RAB34: variants seen among roughly 807,000 people sequenced by gnomAD.
RAB34 encodes ras-related protein Rab-34.
Under a neutral mutation model 39.0 loss-of-function variants are expected in RAB34, and 33 were observed. The ratio of observed to expected loss-of-function variants is 0.85; its 90% CI spans 0.64 to 1.13. The LOEUF (loss-of-function observed/expected upper bound fraction) is 1.13, where lower values mean the gene tolerates loss of function less well. Among genes scored for constraint, RAB34 ranks in the 50% most tolerant of loss-of-function variants. RAB34 has a pLI of 0.00. For synonymous variants in RAB34, 135 were observed against 125.1 expected, an observed-to-expected ratio of 1.08 and a Z score of -0.53; for missense variants, 289 against 326.1, an observed-to-expected ratio of 0.89 and a Z score of 0.88.
intron 2 of RAB34, 54 bp from the exon 3 acceptor site, chr17:28,716,112 G>A (rs964474729): frequency 9.9e-6 from 16 of 1,611,378 alleles, no homozygotes; most frequent in Admixed American, 1.7e-5. Context: ...TTCACCCTAG[G>A]GAGTTCCAAT....
chr17:28,715,249 C>T lies in RAB34; in HGVS notation c.459G>A (p.Glu153=), dbSNP rs778860083. The part of the protein sequence containing the change: ...TKQWLADALK[E]NDPSSVLLFL... ...AGAGAAGCACACTGGAAGGGTCATT[C>T]TCCTTCAGGGCATCGGCCAGCCACT... Residue 153 remains glutamate, a synonymous_variant, in exon 7 of 10, where the codon GAG becomes GAA. Transcript: ENST00000395245. The T allele has an allele frequency of 6.2e-7, 1 of 1,613,710 alleles. No individual in the cohort carries two copies. Among genetic ancestry groups the T allele is most frequent in the Non-Finnish European group, 8.5e-7 (1 of 1,179,932 alleles).
Position 28,717,838 on chromosome 17 carries a change from T to C in RAB34, c.-572A>G. On this transcript the variant is annotated 5_prime_UTR_variant, in exon 1 of 10. Transcript: ENST00000395245. The stretch of plus-strand genomic sequence containing the variant: ...CCCAGTCCGGCTACAGGGCCTCGAG[T>C]CCCACTCCGCTCGGGCTCCGCCAAC... 1 of 1,343,420 alleles carries C rather than the reference T, an allele frequency of 7.4e-7. No individual in the cohort carries two copies. The highest frequency in any genetic ancestry group is 9.5e-7 in the Non-Finnish European group (1 of 1,054,892). The allele number at this position is 1,343,420 out of a possible 1,614,324, so 83.2% of individuals were successfully genotyped here. A position where few individuals can be genotyped will look rare whatever the true frequency, so the allele number is the denominator to read the frequency against.
rs1308363898 is a variant in RAB34, at chr17:28,717,396, A to T, written c.-130T>A. The stretch of plus-strand genomic sequence containing the variant: ...CCGACTACAACTCGGGGCCACGGGG[A>T]CCCTACGGGAGTCCGCGGTCTCGGA... On this transcript the variant is annotated 5_prime_UTR_variant, in exon 1 of 10. Coordinates refer to ENST00000395245, the MANE Select transcript of RAB34 (RefSeq NM_031934.6). 6.6e-7 allele frequency: 1 copy of T among 1,515,230 alleles called. No homozygotes were observed. The highest frequency in any genetic ancestry group is 1.4e-5 in the African/African-American group (1 of 71,740). The allele number at this position is 1,515,230 out of a possible 1,614,324, so 93.9% of individuals were successfully genotyped here. A position where few individuals can be genotyped will look rare whatever the true frequency, so the allele number is the denominator to read the frequency against.
At position 28,716,986 on chromosome 17, in the gene RAB34, C is replaced by T. The variant is rs11545699; in HGVS notation, c.63G>A (p.Arg21=). 42,423 of 1,613,514 alleles carry T rather than the reference C, an allele frequency of 0.026. 658 individuals are homozygous for T. The highest frequency in any genetic ancestry group is 0.031 in the Non-Finnish European group (36,825 of 1,179,848). ...RVLAELPQCL[R]KEAALHGHKD... ...TGTGCCCGTGCAAAGCGGCCTCCTT[C>T]CTCAGGCACTTAGTGGGAAGGATGG... The change falls in exon 2 of 10, where the codon AGG becomes AGA. Residue 21 remains arginine (R), a synonymous_variant. Transcript: ENST00000395245.
intron 5 of RAB34, 46 bp downstream of exon 5, chr17:28,715,595 A>G (rs201608802): frequency 6.2e-7 from 1 of 1,614,044 alleles, no homozygotes; most frequent in African/African-American, 1.3e-5. Flanking sequence ...ATGAGAAGCC[A>G]TGTGCACTCT....
chr17:28,716,990 A>G lies in RAB34; in HGVS notation c.59T>C (p.Leu20Pro). 6.2e-7 allele frequency: 1 copy of G among 1,613,444 alleles called. No homozygotes were observed. Among genetic ancestry groups the G allele is most frequent in the Non-Finnish European group, 8.5e-7 (1 of 1,179,818 alleles). Residue 20 changes from leucine to proline, a missense_variant, in exon 2 of 10, where the codon CTG becomes CCG. Physicochemically the swap from Leu to Pro is moderately conservative, Grantham distance 98 (BLOSUM62 -3). Transcript: ENST00000395245. Reference protein sequence around the residue: ...DRVLAELPQCLRKEAALHGHK... With the variant: ...DRVLAELPQCPRKEAALHGHK... Reference sequence around the variant, plus strand: ...CCCGTGCAAAGCGGCCTCCTTCCTCAGGCACTTAGTGGGAAGGATGGAAGA... The same window carrying G: ...CCCGTGCAAAGCGGCCTCCTTCCTCGGGCACTTAGTGGGAAGGATGGAAGA...
In RAB34 at chr17:28,715,698, T is replaced by G; in HGVS notation, c.322A>C (p.Thr108Pro). The G allele has an allele frequency of 1.2e-6, 2 of 1,614,010 alleles. No homozygotes were observed. Among genetic ancestry groups the G allele is most frequent in the Non-Finnish European group, 1.7e-6 (2 of 1,179,980 alleles). ...GIPFSLQLWD[T>P]AGQERFKCIA... ...CATTTGAACCTCTCCTGCCCAGCGG[T>G]ATCCCAACTGGAAGGAAGGAAGAGT... Residue 108 changes from threonine to proline, a missense_variant, in exon 5 of 10, where the codon ACC (threonine) becomes CCC (proline). Thr to Pro is a conservative substitution (Grantham distance 38). Coordinates refer to ENST00000395245, the MANE Select transcript of RAB34 (RefSeq NM_031934.6).
rs773003129 is a variant in RAB34, at chr17:28,714,778, C to G, written c.712+15G>C. The G allele has an allele frequency of 6.2e-7, 1 of 1,614,056 alleles. No homozygotes were observed. The highest frequency in any genetic ancestry group is 1.1e-5 in the South Asian group (1 of 91,084). On this transcript the variant is annotated intron_variant, in intron 9 of 9. Coordinates refer to ENST00000395245, the MANE Select transcript of RAB34 (RefSeq NM_031934.6). ...CACTGTGCCCTCTGCCACCCTCAACCAGGCAAGCACTCACGGACAACATCC... is the reference window on the plus strand; with the variant it reads ...CACTGTGCCCTCTGCCACCCTCAACGAGGCAAGCACTCACGGACAACATCC...
upstream of RAB34, chr17:28,718,339 G>A (rs2033886080): frequency 6.0e-6 from 8 of 1,330,586 alleles, no homozygotes; most frequent in East Asian, 2.8e-5. Flanking sequence ...AGCGTGCGAA[G>A]GGGGTGCCAG....
At chr17:28,715,613 A>G (rs757296625) in intron 5 of RAB34, 28 bp downstream of exon 5, 1 of 1,613,956 alleles carries the variant, frequency 6.2e-7, no homozygotes, top group South Asian at 1.1e-5. Flanking sequence ...TCTGAGACCC[A>G]CCTACCCCAC....
At chr17:28,718,296 C>G (rs773496876), upstream of RAB34, 113 of 1,524,504 alleles carry the variant, frequency 7.4e-5, 1 homozygote, top group South Asian at 1.4e-3. Flanking sequence ...CCCTTCTGCC[C>G]TGGGAGGTCG....
chr17:28,715,289 G>T lies in RAB34; in HGVS notation c.432-13C>A, dbSNP rs2033172290. ...GGCCAGCCACTGCCTGCCATGGGAGGTGGAAAGTAAGGGATGAGTGAGTCT... is the reference window on the plus strand; with the variant it reads ...GGCCAGCCACTGCCTGCCATGGGAGTTGGAAAGTAAGGGATGAGTGAGTCT... On this transcript the variant is annotated splice_polypyrimidine_tract_variant and intron_variant, in intron 6 of 9. Transcript: ENST00000395245. 1 of 1,611,296 alleles carries T rather than the reference G, an allele frequency of 6.2e-7. No individual in the cohort carries two copies.
In RAB34 at chr17:28,717,767, G is replaced by A; in HGVS notation, c.-501C>T. 7.5e-7 allele frequency: 1 copy of A among 1,333,918 alleles called. No individual in the cohort carries two copies. The highest frequency in any genetic ancestry group is 2.1e-5 in the South Asian group (1 of 47,368). 82.6% of individuals were successfully genotyped at this position (1,333,918 alleles called of 1,614,324 possible). ...CCACACGGGGTCAGTGTGGGCAGGG[G>A]CGGCGCTGCCAAGGCCCGCAGGCCG... On this transcript the variant is annotated 5_prime_UTR_variant, in exon 1 of 10. Coordinates refer to ENST00000395245, the MANE Select transcript of RAB34 (RefSeq NM_031934.6).
At position 28,716,030 on chromosome 17, in the gene RAB34, C is replaced by T. The variant is rs1483990202; in HGVS notation, c.175G>A (p.Gly59Arg). The change falls in exon 3 of 10, where the codon GGG becomes AGG. Residue 59 changes from glycine (G) to arginine (R), a missense_variant. Transcript: ENST00000395245. ...GFKISKVIVV[G>R]DLSVGKTCLI... is the part of the protein sequence containing the mutation. Reference sequence around the variant, plus strand: ...CAAGTCTTCCCCACCGACAGGTCCCCCACCACAATGACCTTGGAGATCTTA... The same window carrying T: ...CAAGTCTTCCCCACCGACAGGTCCCTCACCACAATGACCTTGGAGATCTTA... 6.2e-7 allele frequency: 1 copy of T among 1,613,932 alleles called. No homozygotes were observed. The highest frequency in any genetic ancestry group is 8.5e-7 in the Non-Finnish European group (1 of 1,180,026).
rs113657810 is a variant in RAB34, at chr17:28,717,342, A to G, written c.-76T>C. 26 of 1,537,060 alleles carry G rather than the reference A, an allele frequency of 1.7e-5. 1 individual carries two copies. The highest frequency in any genetic ancestry group is 1.6e-4 in the African/African-American group (12 of 72,960). Reference sequence around the variant, plus strand: ...GCGTCAGCGACCCGGGCGCGTGGAGACCCGACGATCACCCGCGGCCGGGGT... The same window carrying G: ...GCGTCAGCGACCCGGGCGCGTGGAGGCCCGACGATCACCCGCGGCCGGGGT... On this transcript the variant is annotated 5_prime_UTR_variant, in exon 1 of 10. Coordinates refer to ENST00000395245, the MANE Select transcript of RAB34 (RefSeq NM_031934.6).
chr17:28,717,949 G>GCCCCCCCC, upstream of RAB34: 1 of 770,280 alleles, frequency 1.3e-6, no homozygotes, highest in Non-Finnish European at 1.5e-6. Flanking sequence ...GCCCGCCCTC[G>GCCCCCCCC]CCACCCCCTC....
rs2033799402 is a variant in RAB34, at chr17:28,717,822, G to C, written c.-556C>G. The C allele has an allele frequency of 1.4e-5, 19 of 1,336,902 alleles. No homozygotes were observed. The highest frequency in any genetic ancestry group is 1.7e-5 in the Non-Finnish European group (18 of 1,050,906). 82.8% of individuals were successfully genotyped at this position (1,336,902 alleles called of 1,614,324 possible). ...AGGAGGGGGCGAGGGGCCCAGTCCG[G>C]CTACAGGGCCTCGAGTCCCACTCCG... On this transcript the variant is annotated 5_prime_UTR_variant, in exon 1 of 10. Transcript: ENST00000395245.
chr17:28,714,341 G>A lies in RAB34; in HGVS notation c.*302C>T. On this transcript the variant is annotated 3_prime_UTR_variant, in exon 10 of 10. Transcript: ENST00000395245. ...CACAGTGAGAGGCTGGAATCATTAA[G>A]CATCCTCAAACACAAAGGGCCCAGC... The A allele has an allele frequency of 3.4e-6, 2 of 593,762 alleles. No homozygotes were observed. Among genetic ancestry groups the A allele is most frequent in the Non-Finnish European group, 6.0e-6 (2 of 332,464 alleles). 36.8% of individuals were successfully genotyped at this position (593,762 alleles called of 1,614,324 possible). A position where few individuals can be genotyped will look rare whatever the true frequency, so the allele number is the denominator to read the frequency against.
chr17:28,718,076 TC>T, upstream of RAB34: 3 of 1,555,050 alleles, frequency 1.9e-6, no homozygotes, highest in Non-Finnish European at 2.6e-6. Context: ...CAGGCTGCTC[TC>T]CCCTGCACCT....
Sources: gnomAD v4.1 joint callset for allele counts on GRCh38, gnomAD v4.1.1 for gene constraint, MANE v1.5 for transcripts, NCBI Gene and HGNC (gene_info 2026-07-23, HGNC 2026-07-21) for gene names.